The following HIVEP3 variants were observed in gnomAD, a reference collection of about 807,000 sequenced individuals.
The protein encoded by HIVEP3 is HIVEP zinc finger 3.
A neutral mutation model predicts 152.8 loss-of-function variants in HIVEP3; 49 were observed. The observed-to-expected ratio is 0.32, with a 90% CI of 0.26 to 0.41. HIVEP3 has a LOEUF of 0.41. Among genes scored for constraint, HIVEP3 ranks in the 10% least tolerant of loss-of-function variants. The pLI is 1.00. For missense variants in HIVEP3, 2,790 were observed against 3,103.3 expected (o/e 0.90, Z 2.40); for synonymous variants, 1,269 against 1,289.0 (o/e 0.98, Z 0.33).
At chr1:41,991,427 A>G (rs1645360546) in intron 1 of HIVEP3, among the ~76,000 whole-genome samples, 1 of 151,338 alleles carries the variant, frequency 6.6e-6, no homozygotes, top group African/African-American at 2.4e-5. Context: ...CGACACATAC[A>G]CTCTCCCAAG....
chr1:41,700,161 G>A (rs945565560), intron 2 of HIVEP3, among the ~76,000 whole-genome samples: 15 of 152,060 alleles, frequency 9.9e-5, no homozygotes, highest in African/African-American at 3.6e-4. Context: ...GCTGTTCTGT[G>A]GCTATTTGCA....
At chr1:41,865,613 G>A (rs981324975) in intron 1 of HIVEP3, 1 of 152,354 alleles carries the variant, frequency 6.6e-6, no homozygotes, top group Admixed American at 6.5e-5. Context: ...AACTGGATGA[G>A]CTCTGCAGAG....
intron 7 of HIVEP3, among the ~76,000 whole-genome samples, chr1:41,517,540 C>A (rs1340829388): frequency 6.6e-6 from 1 of 151,032 alleles, no homozygotes. Context: ...CAGAACAAGA[C>A]ACACAGTGCG....
At chr1:41,567,333 T>C (rs1644179346) in intron 5 of HIVEP3, among the ~76,000 whole-genome samples, 1 of 152,204 alleles carries the variant, frequency 6.6e-6, no homozygotes. Flanking sequence ...GATCCTGCTC[T>C]TCGTGCTGCC....
In HIVEP3 at chr1:41,509,487, CG is replaced by C. The variant is rs1269403694; in HGVS notation, c.*963del. The C allele has an allele frequency of 6.6e-6, 1 of 152,226 alleles. No individual in the cohort carries two copies. The highest frequency in any genetic ancestry group is 2.4e-5 in the African/African-American group (1 of 41,434). The allele number at this position is 152,226 out of a possible 1,614,324, so 9.4% of individuals were successfully genotyped here. On this transcript the variant is annotated 3_prime_UTR_variant, in exon 9 of 9. Transcript: ENST00000372583. ...AGTCTCAGGAACGGCCGCTAGGGCT[CG>C]GGCCCTGCCACTTCTGCCTTTGTGG...
chr1:41,979,669 G>A (rs1287188879), intron 1 of HIVEP3, among the ~76,000 whole-genome samples: 1 of 152,120 alleles, frequency 6.6e-6, no homozygotes, highest in Admixed American at 6.5e-5. Context: ...CATATCCAGG[G>A]CTTAGCAAGA....
rs888278108 is a variant in HIVEP3 at position 41,662,927 on chromosome 1, G to A, written c.-720-33980C>T. Among the ~76,000 whole-genome samples the A allele has an allele frequency of 1.3e-5, 2 of 152,280 alleles. No individual in the cohort carries two copies. The highest frequency in any genetic ancestry group is 3.4e-3 in the Middle Eastern group (1 of 294). On this transcript the variant is annotated intron_variant, in intron 2 of 8. Transcript: ENST00000372583. This position sits in a 1 kb window ranked among gnomAD's most constrained non-coding sequence, Gnocchi z 7.2. ...CTCCGGGAAGCCCGCGCCTCCCCAG[G>A]CGGGAATCCGCTTTAATGAGCTCTG...
In HIVEP3 at chr1:41,580,893, G is replaced by A; in HGVS notation, c.3905C>T (p.Ala1302Val). ...PPASSSAPTSAPPLALPACPD... is the reference protein window; with the variant it reads ...PPASSSAPTSVPPLALPACPD... ...ACAGGCAGGCAGGGCCAGTGGAGGA[G>A]CTGATGTAGGTGCTGAGGAGCTGGC... is the stretch of plus-strand genomic sequence containing the variant. The change falls in exon 4 of 9, where the codon GCT becomes GTT. Residue 1302 changes from alanine to valine, a missense_variant. Coordinates refer to ENST00000372583, the MANE Select transcript of HIVEP3 (RefSeq NM_024503.5). 9 of 1,611,686 alleles carry A rather than the reference G, an allele frequency of 5.6e-6. No individual in the cohort carries two copies. Among genetic ancestry groups the A allele is most frequent in the Non-Finnish European group, 7.6e-6 (9 of 1,179,002 alleles).
intron 5 of HIVEP3, among the ~76,000 whole-genome samples, chr1:41,553,936 C>T (rs1643927096): frequency 6.6e-6 from 1 of 152,016 alleles, no homozygotes; most frequent in Non-Finnish European, 1.5e-5. Context: ...ATATTTTTTC[C>T]TTCATTTCAA....
chr1:41,715,254 G>A (rs924464658), intron 1 of HIVEP3, among the ~76,000 whole-genome samples: 1 of 152,246 alleles, frequency 6.6e-6, no homozygotes, highest in African/African-American at 2.4e-5. Flanking sequence ...ATGGTCAGGA[G>A]AGAAGAGCAG....
intron 1 of HIVEP3, among the ~76,000 whole-genome samples, chr1:41,977,509 G>A (rs780251737): frequency 9.2e-5 from 14 of 152,162 alleles, no homozygotes; most frequent in Non-Finnish European, 1.5e-4. Context: ...AGAGGTGAGT[G>A]TCACATCCCC....
intron 1 of HIVEP3, among the ~76,000 whole-genome samples, chr1:41,998,683 G>A (rs1645408882): frequency 6.6e-6 from 1 of 151,954 alleles, no homozygotes; most frequent in African/African-American, 2.4e-5. Context: ...ACCCTTATTT[G>A]AGGTCTATTA....
chr1:41,761,788 G>A (rs1647700664), intron 1 of HIVEP3, among the ~76,000 whole-genome samples: 1 of 152,230 alleles, frequency 6.6e-6, no homozygotes, highest in Non-Finnish European at 1.5e-5. Context: ...GTGCATTTGT[G>A]CATGTGCACT....
At chr1:41,878,951 A>G (rs576735852) in intron 1 of HIVEP3, among the ~76,000 whole-genome samples, 2 of 134,570 alleles carry the variant, frequency 1.5e-5, no homozygotes, top group African/African-American at 2.9e-5. Context: ...CGCATACTCC[A>G]CTTGTCTCTT....
At position 41,722,498 on chromosome 1, in the gene HIVEP3, CT is replaced by C. The variant is rs1284946453; in HGVS notation, c.-800-21504del. Reference sequence around the variant, plus strand: ...CCCTCTCCCCTCCCTCTCCCCTCCCCTTCCCTTCCCTTCCCTCCTTTCCTCC... The same window carrying C: ...CCCTCTCCCCTCCCTCTCCCCTCCCCTCCCTTCCCTTCCCTCCTTTCCTCC... On this transcript the variant is annotated intron_variant, in intron 1 of 8. Transcript: ENST00000372583. Among the ~76,000 whole-genome samples the C allele has an allele frequency of 3.7e-3, 508 of 138,988 alleles. 5 individuals are homozygous for C. Among genetic ancestry groups the C allele is most frequent in the African/African-American group, 0.013 (481 of 37,328 alleles). 91.2% of individuals were successfully genotyped at this position (138,988 alleles called of 152,430 possible).
At chr1:41,608,661 A>G (rs978524992) in intron 3 of HIVEP3, among the ~76,000 whole-genome samples, 12 of 152,180 alleles carry the variant, frequency 7.9e-5, no homozygotes, top group African/African-American at 2.9e-4. Context: ...TTCTGCTCTG[A>G]TTGCTCTGTC....
At chr1:41,926,092 G>A (rs1644966888) in intron 1 of HIVEP3, among the ~76,000 whole-genome samples, 1 of 152,126 alleles carries the variant, frequency 6.6e-6, no homozygotes, top group African/African-American at 2.4e-5. Context: ...CCCTGGTGCT[G>A]CCATTTCACC....
intron 1 of HIVEP3, among the ~76,000 whole-genome samples, chr1:41,712,332 C>T (rs982463570): frequency 4.6e-5 from 7 of 152,380 alleles, no homozygotes; most frequent in South Asian, 4.1e-4. Context: ...ACTGCTTGTG[C>T]GCACCAGGCA....
At position 41,582,729 on chromosome 1, in the gene HIVEP3, A is replaced by T; in HGVS notation, c.2069T>A (p.Ile690Asn). The change falls in exon 4 of 9, where the codon ATT (isoleucine) becomes AAT (asparagine). Residue 690 changes from isoleucine to asparagine, a missense_variant. Transcript: ENST00000372583. The surrounding 1 kb of genome is among the most constrained non-coding windows in gnomAD (Gnocchi z 4.7). ...CATTTGGGACCACGGCTCATGCTCA[A>T]TCTGACTCTTTTCAGCTTCTGGAGA... ...HTSPEAEKSQ[I>N]EHEPWSQMMH... 1 of 1,614,172 alleles carries T rather than the reference A, an allele frequency of 6.2e-7. No individual in the cohort carries two copies. Among genetic ancestry groups the T allele is most frequent in the East Asian group, 2.2e-5 (1 of 44,880 alleles).
Sources: allele counts gnomAD v4.1 joint callset (sites outside exome capture counted in the v4.1 genomes callset), GRCh38; gene constraint gnomAD v4.1.1; non-coding constraint Gnocchi (gnomAD v3.1); transcripts MANE v1.5; gene names NCBI Gene and HGNC (gene_info 2026-07-23, HGNC 2026-07-21).